GRID1: variants seen among roughly 807,000 people sequenced by gnomAD.
GRID1 encodes the protein glutamate ionotropic receptor delta type subunit 1.
A neutral mutation model predicts 98.0 loss-of-function variants in GRID1; 28 were observed. The observed-to-expected ratio is 0.29, with a 90% confidence interval of 0.21 to 0.39. GRID1 has a LOEUF of 0.39. GRID1 is among the 10% of genes least tolerant of loss of function. The probability of loss-of-function intolerance (pLI) is 1.00; values close to 1 mark genes in which losing one functional copy is unlikely to be tolerated. For missense variants in GRID1, 1,111 were observed against 1,340.5 expected, an observed-to-expected ratio of 0.83 and a Z score of 2.67; for synonymous variants, 553 against 538.5, an observed-to-expected ratio of 1.03 and a Z score of -0.37.
intron 8 of GRID1, among the ~76,000 whole-genome samples, chr10:85,853,995 C>T (rs1430189320): frequency 6.6e-6 from 1 of 152,182 alleles, no homozygotes; most frequent in Non-Finnish European, 1.5e-5. Context: ...TTGTTCAACT[C>T]CTCTGTCTCT....
At chr10:85,935,902 T>TA (rs1841919688) in intron 4 of GRID1, among the ~76,000 whole-genome samples, 2 of 152,230 alleles carry the variant, frequency 1.3e-5, no homozygotes, top group African/African-American at 4.8e-5. Flanking sequence ...TACCTTGCCT[T>TA]ATACCAAGAA....
chr10:86,153,136 G>A (rs1353283385), intron 3 of GRID1, among the ~76,000 whole-genome samples: 2 of 152,234 alleles, frequency 1.3e-5, no homozygotes, highest in African/African-American at 4.8e-5. Context: ...CCGTGCCTGA[G>A]CCCAGTGGGT....
intron 12 of GRID1, among the ~76,000 whole-genome samples, chr10:85,665,914 C>T (rs1310382502): frequency 6.6e-6 from 1 of 152,066 alleles, no homozygotes; most frequent in Non-Finnish European, 1.5e-5. Flanking sequence ...CGTTGCCAGG[C>T]AAGATCAGCA....
At chr10:85,943,144 G>A (rs1842015588) in intron 4 of GRID1, among the ~76,000 whole-genome samples, 1 of 152,086 alleles carries the variant, frequency 6.6e-6, no homozygotes, top group African/African-American at 2.4e-5. Flanking sequence ...ATTTCTGGCA[G>A]ATAAATTCCT....
intron 5 of GRID1, among the ~76,000 whole-genome samples, chr10:85,898,392 C>G (rs918442527): frequency 6.6e-6 from 1 of 151,912 alleles, no homozygotes; most frequent in Non-Finnish European, 1.5e-5. Context: ...TAAACATAGG[C>G]AACACTAAAA....
chr10:85,992,562 G>T (rs1842693515), intron 4 of GRID1, among the ~76,000 whole-genome samples: 1 of 150,298 alleles, frequency 6.7e-6, no homozygotes, highest in Admixed American at 6.7e-5. Flanking sequence ...GAGCCAGAGT[G>T]TTCAGGGAAT....
intron 6 of GRID1, among the ~76,000 whole-genome samples, chr10:85,858,252 T>G (rs1843132474): frequency 6.6e-6 from 1 of 152,100 alleles, no homozygotes; most frequent in Admixed American, 6.5e-5. Context: ...GTTGCAGAGG[T>G]GTCAAGAGTG....
chr10:85,799,355 C>T (rs959465522), intron 8 of GRID1, among the ~76,000 whole-genome samples: 1 of 152,000 alleles, frequency 6.6e-6, no homozygotes, highest in Non-Finnish European at 1.5e-5. Context: ...AAGTTTAGAA[C>T]TGTTTTCTTC....
intron 2 of GRID1, among the ~76,000 whole-genome samples, chr10:86,236,417 G>A (rs936607957): frequency 6.6e-6 from 1 of 152,196 alleles, no homozygotes; most frequent in African/African-American, 2.4e-5. Flanking sequence ...GATGATGAGT[G>A]CCTAGTGTGT....
chr10:86,288,159 C>T (rs1847461680), intron 2 of GRID1, among the ~76,000 whole-genome samples: 1 of 152,218 alleles, frequency 6.6e-6, no homozygotes, highest in African/African-American at 2.4e-5. Context: ...CTGCCACATT[C>T]CCCACAAGTC....
At chr10:85,968,803 T>A (rs185965537) in intron 4 of GRID1, among the ~76,000 whole-genome samples, 1 of 152,098 alleles carries the variant, frequency 6.6e-6, no homozygotes, top group Non-Finnish European at 1.5e-5. Context: ...ACATAAGACA[T>A]GTAGAAAACA....
At chr10:85,828,146 T>C (rs747408986) in intron 8 of GRID1, among the ~76,000 whole-genome samples, 1 of 152,076 alleles carries the variant, frequency 6.6e-6, no homozygotes, top group Non-Finnish European at 1.5e-5. Flanking sequence ...TCAAAAACCA[T>C]ACAATTACAT....
intron 2 of GRID1, 146 bp downstream of exon 2, chr10:86,363,795 A>C: frequency 1.7e-5 from 11 of 642,722 alleles, no homozygotes; most frequent in Middle Eastern, 4.3e-4. Context: ...GGGCCGGGGA[A>C]GGCGCGCCAC....
At chr10:86,349,629 G>A (rs577194772) in intron 2 of GRID1, among the ~76,000 whole-genome samples, 1 of 152,358 alleles carries the variant, frequency 6.6e-6, no homozygotes, top group African/African-American at 2.4e-5. Context: ...CTGACCAGGA[G>A]GGAAGGGCTA....
At chr10:85,664,622 G>A (rs1840999853) in intron 12 of GRID1, among the ~76,000 whole-genome samples, 1 of 152,214 alleles carries the variant, frequency 6.6e-6, no homozygotes, top group African/African-American at 2.4e-5. Flanking sequence ...AGCCGAGCTT[G>A]AAGCCACAGG....
intron 4 of GRID1, among the ~76,000 whole-genome samples, chr10:85,990,393 T>A (rs1211108727): frequency 5.9e-5 from 9 of 152,168 alleles, no homozygotes; most frequent in African/African-American, 1.9e-4. Context: ...GGAATAAGTG[T>A]GATCAAGGCA....
intron 8 of GRID1, among the ~76,000 whole-genome samples, chr10:85,826,538 A>G (rs1842822079): frequency 6.6e-6 from 1 of 151,938 alleles, no homozygotes; most frequent in African/African-American, 2.4e-5. Context: ...GGGCGTAAGC[A>G]TGTGCCGGAA....
chr10:86,117,920 A>T (rs1315020270), intron 4 of GRID1, among the ~76,000 whole-genome samples: 1 of 152,232 alleles, frequency 6.6e-6, no homozygotes, highest in East Asian at 1.9e-4. Flanking sequence ...CTAAAAGTAG[A>T]TCTACCGTTT....
At chr10:86,249,858 C>T (rs1846792365) in intron 2 of GRID1, among the ~76,000 whole-genome samples, 1 of 152,210 alleles carries the variant, frequency 6.6e-6, no homozygotes, top group Admixed American at 6.5e-5. Context: ...ACAGTAACTC[C>T]TCATCAATGT....
Sources: gnomAD v4.1 joint callset for allele counts (sites outside exome capture counted in the v4.1 genomes callset) on GRCh38, gnomAD v4.1.1 for gene constraint, MANE v1.5 for transcripts, NCBI Gene and HGNC (gene_info 2026-07-23, HGNC 2026-07-21) for gene names.